The following ARID2 variants were observed in gnomAD, a reference collection of about 807,000 sequenced individuals.
The protein encoded by ARID2 is AT-rich interactive domain-containing protein 2.
A neutral mutation model predicts 184.6 loss-of-function variants in ARID2; 32 were observed. The observed-to-expected ratio is 0.17, with a 90% confidence interval of 0.13 to 0.23. The LOEUF is 0.23. Ranked by LOEUF, ARID2 falls within the 10% of genes least tolerant of loss-of-function variation. The probability of loss-of-function intolerance (pLI) is 1.00; values close to 1 mark genes in which losing one functional copy is unlikely to be tolerated. For synonymous variants in ARID2, 836 were observed against 772.6 expected, an observed-to-expected ratio of 1.08 and a Z score of -1.36; for missense variants, 1,696 against 2,197.6, an observed-to-expected ratio of 0.77 and a Z score of 4.56.
At chr12:45,823,675 A>AT (rs1353659651) in intron 6 of ARID2, among the ~76,000 whole-genome samples, 10 of 148,876 alleles carry the variant, frequency 6.7e-5, no homozygotes, top group African/African-American at 1.6e-4. Context: ...ATGCTAATGA[A>AT]TTGGAAAACC....
In ARID2 at chr12:45,849,567, A is replaced by T. The variant is rs768264218; in HGVS notation, c.1716-13A>T. The T allele has an allele frequency of 6.2e-7, 1 of 1,602,004 alleles. No homozygotes were observed. Among genetic ancestry groups the T allele is most frequent in the Non-Finnish European group, 8.5e-7 (1 of 1,172,340 alleles). On this transcript the variant is annotated splice_polypyrimidine_tract_variant and intron_variant, in intron 13 of 20. Transcript: ENST00000334344. ...AGTTATCAAAACTTACTGATTATGT[A>T]TGTACTTTACAGAACGGTCTTTCCA...
chr12:45,775,956 C>A (rs760226373), intron 3 of ARID2: 1 of 159,520 alleles, frequency 6.3e-6, no homozygotes, highest in Non-Finnish European at 1.5e-5. Flanking sequence ...TACCATATTT[C>A]TCTGAAATAA....
intron 3 of ARID2, among the ~76,000 whole-genome samples, chr12:45,769,815 G>A (rs1941834725): frequency 6.6e-6 from 1 of 152,160 alleles, no homozygotes; most frequent in South Asian, 2.1e-4. Flanking sequence ...TCACTTACAA[G>A]TGAACCCCAA....
In ARID2 at chr12:45,738,779, CTTTTTTTTTTT is replaced by C. The variant is rs11333868; in HGVS notation, c.284+7489_284+7499del. Among the ~76,000 whole-genome samples the C allele has an allele frequency of 1.8e-3, 114 of 62,308 alleles. 2 individuals carry two copies. Among genetic ancestry groups the C allele is most frequent in the African/African-American group, 9.1e-3 (107 of 11,718 alleles). 40.9% of individuals were successfully genotyped at this position (62,308 alleles called of 152,430 possible). On this transcript the variant is annotated intron_variant, in intron 3 of 20. Coordinates refer to ENST00000334344, the MANE Select transcript of ARID2 (RefSeq NM_152641.4). Reference sequence around the variant, plus strand: ...TTTTCTTCCTGGGGCATATGGGCTACTTTTTTTTTTTTTTTTTTTTTTTTTTTTTTTTTTAA... The same window carrying C: ...TTTTCTTCCTGGGGCATATGGGCTACTTTTTTTTTTTTTTTTTTTTTTTAA...
intron 4 of ARID2, among the ~76,000 whole-genome samples, chr12:45,816,874 TA>T (rs1005062290): frequency 2.0e-5 from 3 of 152,218 alleles, no homozygotes; most frequent in Non-Finnish European, 4.4e-5. Context: ...TTGTAGTACC[TA>T]GTGGTAGGGG....
Position 45,851,811 on chromosome 12 carries a change from T to G in ARID2, c.3688T>G (p.Cys1230Gly), listed in dbSNP as rs1449558732. 1.4e-5 allele frequency: 23 copies of G among 1,614,018 alleles called. No homozygotes were observed. Among genetic ancestry groups the G allele is most frequent in the Non-Finnish European group, 1.9e-5 (22 of 1,180,020 alleles). The change falls in exon 15 of 21, where the codon TGT (cysteine) becomes GGT (glycine). Residue 1230 changes from cysteine to glycine, a missense_variant. By Grantham distance (159) the Cys-to-Gly change is radical. This residue lies in a region of ARID2 where 428 missense variants were observed against 409.1 expected (regional missense o/e 1.05). Coordinates refer to ENST00000334344, the MANE Select transcript of ARID2 (RefSeq NM_152641.4). The stretch of plus-strand genomic sequence containing the variant: ...AGCATCTCCTGCTGGACAATCATCA[T>G]GTACTACTGCTACTCCCCCATTCAA... ...TQASPAGQSS[C>G]TTATPPFKGD...
chr12:45,750,633 GTAAC>G lies in ARID2; in HGVS notation c.284+19322_284+19325del, dbSNP rs112667339. ...TGTGAGGATCCAGGGATTTTGCAAA[GTAAC>G]TACTATTTTTGAAAACATGGATACG... On this transcript the variant is annotated intron_variant, in intron 3 of 20. Coordinates refer to ENST00000334344, the MANE Select transcript of ARID2 (RefSeq NM_152641.4). 1.3e-3 allele frequency among the ~76,000 whole-genome samples: 196 copies of G among 152,276 alleles called. 1 individual carries two copies. The highest frequency in any genetic ancestry group is 4.5e-3 in the African/African-American group (189 of 41,562).
intron 3 of ARID2, among the ~76,000 whole-genome samples, chr12:45,797,416 G>T (rs921345441): frequency 6.6e-6 from 1 of 152,042 alleles, no homozygotes; most frequent in Non-Finnish European, 1.5e-5. Context: ...TATATTTTTA[G>T]TAGAGATGGG....
At chr12:45,807,320 CAG>C (rs1357927535) in intron 3 of ARID2, among the ~76,000 whole-genome samples, 1 of 152,054 alleles carries the variant, frequency 6.6e-6, no homozygotes, top group Non-Finnish European at 1.5e-5. Context: ...TTCTGTCATA[CAG>C]AGTTAATTTT....
At chr12:45,878,147 GT>G (rs1182161001) in intron 16 of ARID2, among the ~76,000 whole-genome samples, 2 of 152,010 alleles carry the variant, frequency 1.3e-5, no homozygotes, top group African/African-American at 4.8e-5. Flanking sequence ...TTCTGTGAAG[GT>G]TTTTTTCTTT....
At position 45,847,121 on chromosome 12, in the gene ARID2, A is replaced by G. The variant is rs531979894; in HGVS notation, c.1580+184A>G. ...CTTGTATATTGGAATAATTTGAAAG[A>G]AAAATATTCATCAGAATTTTCAGAA... On this transcript the variant is annotated intron_variant, in intron 12 of 20. Transcript: ENST00000334344. Among the ~76,000 whole-genome samples, 3 of 152,288 alleles carry G rather than the reference A, an allele frequency of 2.0e-5. No individual in the cohort carries two copies. The East Asian group carries it at 5.8e-4, about 29-fold the overall frequency.
Position 45,852,169 on chromosome 12 carries a change from T to A in ARID2, c.4046T>A (p.Ile1349Asn), listed in dbSNP as rs1167243616. 1.9e-6 allele frequency: 3 copies of A among 1,614,044 alleles called. No individual in the cohort carries two copies. The highest frequency in any genetic ancestry group is 2.5e-6 in the Non-Finnish European group (3 of 1,179,992). Reference protein sequence around the residue: ...QNSEQIDMQDIKSDLRKPLVN... With the variant: ...QNSEQIDMQDNKSDLRKPLVN... Reference sequence around the variant, plus strand: ...TCAGAACAAATAGACATGCAAGATATCAAAAGTGATTTGAGAAAACCGCTA... The same window carrying A: ...TCAGAACAAATAGACATGCAAGATAACAAAAGTGATTTGAGAAAACCGCTA... The change falls in exon 15 of 21, where the codon ATC (isoleucine) becomes AAC (asparagine). Residue 1349 changes from isoleucine (I) to asparagine (N), a missense_variant. Transcript: ENST00000334344.
intron 20 of ARID2, among the ~76,000 whole-genome samples, chr12:45,896,590 C>T (rs1049755112): frequency 3.9e-5 from 6 of 152,168 alleles, no homozygotes; most frequent in Non-Finnish European, 8.8e-5. Context: ...ATTGTGAGGC[C>T]TCCCCAGCCA....
In ARID2 at chr12:45,837,717, G is replaced by A. The variant is rs2138133067; in HGVS notation, c.1330+10G>A. On this transcript the variant is annotated intron_variant, in intron 10 of 20. Transcript: ENST00000334344. ...GTAGAAAAGAGCATAGGTAAGACTG[G>A]ACCAAAAAACACTTATTTTCTTTAT... 1 of 1,603,974 alleles carries A rather than the reference G, an allele frequency of 6.2e-7. No homozygotes were observed. Among genetic ancestry groups the A allele is most frequent in the Non-Finnish European group, 8.5e-7 (1 of 1,173,074 alleles).
intron 3 of ARID2, among the ~76,000 whole-genome samples, chr12:45,760,350 T>C (rs1055351763): frequency 6.6e-6 from 1 of 152,244 alleles, no homozygotes; most frequent in Non-Finnish European, 1.5e-5. Context: ...CGTCATATGA[T>C]ATCAGACTTT....
intron 11 of ARID2, among the ~76,000 whole-genome samples, chr12:45,844,635 A>G (rs961198568): frequency 3.9e-5 from 6 of 152,208 alleles, no homozygotes; most frequent in African/African-American, 1.4e-4. Context: ...CACTATAACA[A>G]TAATAATAGT....
At chr12:45,854,394 G>C (rs1943608059) in intron 15 of ARID2, among the ~76,000 whole-genome samples, 1 of 152,152 alleles carries the variant, frequency 6.6e-6, no homozygotes, top group Non-Finnish European at 1.5e-5. Context: ...GTGCCAAAAA[G>C]ATTGGAGACT....
At chr12:45,790,057 T>C (rs1942266884) in intron 3 of ARID2, among the ~76,000 whole-genome samples, 3 of 152,212 alleles carry the variant, frequency 2.0e-5, no homozygotes, top group African/African-American at 4.8e-5. Context: ...ATTCCTTTAA[T>C]TGGAACCTTC....
At chr12:45,889,159 G>A (rs1397937156) in intron 16 of ARID2, among the ~76,000 whole-genome samples, 1 of 152,168 alleles carries the variant, frequency 6.6e-6, no homozygotes. Flanking sequence ...TCCAGCCTGG[G>A]CAACAGAGTG....
Sources: allele counts gnomAD v4.1 joint callset (sites outside exome capture counted in the v4.1 genomes callset), GRCh38; gene constraint gnomAD v4.1.1; regional missense constraint gnomAD v4.1.1; transcripts MANE v1.5; gene names NCBI Gene and HGNC (gene_info 2026-07-23, HGNC 2026-07-21).